ELOVL3: variants seen among roughly 807,000 people sequenced by gnomAD.
ELOVL3 encodes the protein ELOVL fatty acid elongase 3.
In ELOVL3, 11 loss-of-function variants were observed where a neutral mutation model predicts 14.9. That is an observed-to-expected ratio of 0.74 (90% CI 0.46 to 1.22). ELOVL3 has a LOEUF of 1.22. Ranked by LOEUF, ELOVL3 falls within the 50% of genes most tolerant of loss-of-function variation. The pLI is 0.00. For missense variants in ELOVL3, 277 were observed against 338.9 expected (o/e 0.82, Z 1.43); for synonymous variants, 117 against 124.7 (o/e 0.94, Z 0.41).
chr10:102,229,385 C>G lies in ELOVL3; in HGVS notation c.*133C>G, dbSNP rs1165708528. ...CCAGAGGATGTGTGCCCCAAGGTGG[C>G]TGGAATTTTTGACAGACAAGAAGGG... On this transcript the variant is annotated 3_prime_UTR_variant, in exon 4 of 4. Coordinates refer to ENST00000370005, the MANE Select transcript of ELOVL3 (RefSeq NM_152310.3). 12 of 881,806 alleles carry G rather than the reference C, an allele frequency of 1.4e-5. No individual in the cohort carries two copies. Among genetic ancestry groups the G allele is most frequent in the East Asian group, 5.3e-5 (2 of 37,550 alleles). The allele number at this position is 881,806 out of a possible 1,614,324, so 54.6% of individuals were successfully genotyped here.
chr10:102,229,265 A>G lies in ELOVL3; in HGVS notation c.*13A>G. 1 of 1,591,548 alleles carries G rather than the reference A, an allele frequency of 6.3e-7. No individual in the cohort carries two copies. The highest frequency in any genetic ancestry group is 1.1e-5 in the South Asian group (1 of 87,744). On this transcript the variant is annotated 3_prime_UTR_variant, in exon 4 of 4. Transcript: ENST00000370005. ...CAAGAGCCAGTGAAGGTTTGGAGAG[A>G]ACAATGAAGCTCCAGGCTCTCTCTT... is the stretch of plus-strand genomic sequence containing the variant.
At chr10:102,225,497 T>A (rs988730983), upstream of ELOVL3, among the ~76,000 whole-genome samples, 2 of 152,120 alleles carry the variant, frequency 1.3e-5, no homozygotes, top group Non-Finnish European at 2.9e-5. Context: ...AGGAAAGAAA[T>A]AAGGGACAGC....
At chr10:102,225,569 AAAG>A (rs1313237794), upstream of ELOVL3, among the ~76,000 whole-genome samples, 1 of 152,150 alleles carries the variant, frequency 6.6e-6, no homozygotes, top group African/African-American at 2.4e-5. Context: ...CACAGGCGAG[AAAG>A]AAGTAGATTT....
intron 1 of ELOVL3, among the ~76,000 whole-genome samples, chr10:102,227,220 C>T (rs1313066951): frequency 6.6e-6 from 1 of 152,044 alleles, no homozygotes; most frequent in Non-Finnish European, 1.5e-5. Context: ...TTGCCACATT[C>T]TTCTTACGCC....
chr10:102,224,864 G>C (rs965479421), upstream of ELOVL3, among the ~76,000 whole-genome samples: 17 of 151,658 alleles, frequency 1.1e-4, no homozygotes, highest in African/African-American at 3.9e-4. Context: ...GGGGTTTGAC[G>C]GTGTTAGCCA....
chr10:102,226,272 T>G, upstream of ELOVL3: 1 of 411,922 alleles, frequency 2.4e-6, no homozygotes, highest in Admixed American at 4.2e-5. Context: ...GAGGCGTATC[T>G]TGGTCGAGAT....
chr10:102,227,751 T>A lies in ELOVL3; in HGVS notation c.227T>A (p.Ile76Asn), dbSNP rs764487617. 1.2e-6 allele frequency: 2 copies of A among 1,613,744 alleles called. No individual in the cohort carries two copies. The highest frequency in any genetic ancestry group is 1.7e-6 in the Non-Finnish European group (2 of 1,179,852). ...ATCCTCTGGTCCTTCTGCCTTGCAATCTTCAGGTAAGACCCCATCCCACTC... is the reference window on the plus strand; with the variant it reads ...ATCCTCTGGTCCTTCTGCCTTGCAAACTTCAGGTAAGACCCCATCCCACTC... ...PLILWSFCLAIFSILGAVRMW... is the reference protein window; with the variant it reads ...PLILWSFCLANFSILGAVRMW... The change falls in exon 2 of 4, where the codon ATC (isoleucine) becomes AAC (asparagine). Residue 76 changes from isoleucine to asparagine, a missense_variant. Transcript: ENST00000370005.
intron 1 of ELOVL3, among the ~76,000 whole-genome samples, chr10:102,227,316 C>T (rs977591625): frequency 2.0e-5 from 3 of 152,124 alleles, no homozygotes; most frequent in Non-Finnish European, 4.4e-5. Flanking sequence ...TGCTTCTAGG[C>T]GCGGGCCAGA....
chr10:102,227,841 C>T, intron 2 of ELOVL3, 84 bp downstream of exon 2: 1 of 1,512,904 alleles, frequency 6.6e-7, no homozygotes, highest in South Asian at 1.2e-5. Flanking sequence ...TTGCATCAAC[C>T]TCCATCCTGT....
At position 102,228,810 on chromosome 10, in the gene ELOVL3, C is replaced by T. The variant is rs1318958553; in HGVS notation, c.386-15C>T. 6.3e-7 allele frequency: 1 copy of T among 1,596,406 alleles called. No individual in the cohort carries two copies. The highest frequency in any genetic ancestry group is 1.7e-5 in the Admixed American group (1 of 59,278). ...GCACTGGGTGGTATGCCAACTATGA[C>T]TCTCCATCTCCCAGGAGACACAGCC... On this transcript the variant is annotated splice_polypyrimidine_tract_variant and intron_variant, in intron 3 of 3. Coordinates refer to ENST00000370005, the MANE Select transcript of ELOVL3 (RefSeq NM_152310.3).
Position 102,228,496 on chromosome 10 carries a change from A to G in ELOVL3, c.313A>G (p.Ile105Val), listed in dbSNP as rs752278462. ...TGGLKQTVCF[I>V]NFIDNSTVKF... is the part of the protein sequence containing the mutation. The stretch of plus-strand genomic sequence containing the variant: ...GGGCCTAAAGCAAACCGTGTGCTTC[A>G]TCAACTTCATCGATAATTCCACAGT... Residue 105 changes from isoleucine to valine, a missense_variant, in exon 3 of 4, where the codon ATC (isoleucine) becomes GTC (valine). Physicochemically the swap from Ile to Val is conservative, Grantham distance 29. Coordinates refer to ENST00000370005, the MANE Select transcript of ELOVL3 (RefSeq NM_152310.3). 1 of 1,614,160 alleles carries G rather than the reference A, an allele frequency of 6.2e-7. No homozygotes were observed. Among genetic ancestry groups the G allele is most frequent in the South Asian group, 1.1e-5 (1 of 91,086 alleles).
upstream of ELOVL3, among the ~76,000 whole-genome samples, chr10:102,225,260 A>G (rs1428472997): frequency 6.6e-6 from 1 of 152,204 alleles, no homozygotes; most frequent in Non-Finnish European, 1.5e-5. Context: ...TGGCACTGAT[A>G]GGACTTCCAC....
Position 102,228,436 on chromosome 10 carries a change from A to G in ELOVL3, c.253A>G (p.Met85Val). 1 of 1,614,082 alleles carries G rather than the reference A, an allele frequency of 6.2e-7. No individual in the cohort carries two copies. The highest frequency in any genetic ancestry group is 8.5e-7 in the Non-Finnish European group (1 of 1,179,996). Residue 85 changes from methionine (M) to valine (V), a missense_variant, in exon 3 of 4, where the codon ATG becomes GTG. Transcript: ENST00000370005. ...AIFSILGAVR[M>V]WGIMGTVLLT... is the part of the protein sequence containing the mutation. ...TTTCAGTATCCTGGGGGCAGTGAGG[A>G]TGTGGGGCATTATGGGGACTGTGCT...
chr10:102,226,267 G>A (rs2070134011), upstream of ELOVL3: 1 of 401,182 alleles, frequency 2.5e-6, no homozygotes, highest in Non-Finnish European at 4.6e-6. Flanking sequence ...GAGCAGAGGC[G>A]TATCTTGGTC....
At chr10:102,227,519 T>A in intron 1 of ELOVL3, 107 bp from the exon 2 acceptor site, 1 of 1,271,872 alleles carries the variant, frequency 7.9e-7, no homozygotes, top group Non-Finnish European at 1.1e-6. Flanking sequence ...AGCTAGTAAG[T>A]GGCAGAACTG....
At chr10:102,226,813 C>T (rs538273767) in intron 1 of ELOVL3, among the ~76,000 whole-genome samples, 164 bp downstream of exon 1, 9 of 151,998 alleles carry the variant, frequency 5.9e-5, no homozygotes, top group Admixed American at 4.6e-4. Flanking sequence ...TATGTGGCAC[C>T]TCAAAGAGAT....
At position 102,228,949 on chromosome 10, in the gene ELOVL3, C is replaced by T. The variant is rs748274269; in HGVS notation, c.510C>T (p.Phe170=). ...YKNKVPAGGW[F]VTMNFGVHAI... ...ACAAAGTGCCTGCAGGAGGCTGGTT[C>T]GTCACCATGAACTTTGGTGTTCATG... is the stretch of plus-strand genomic sequence containing the variant. The change falls in exon 4 of 4, where the codon TTC becomes TTT. Residue 170 remains phenylalanine, a synonymous_variant. Coordinates refer to ENST00000370005, the MANE Select transcript of ELOVL3 (RefSeq NM_152310.3). 2.3e-5 allele frequency: 37 copies of T among 1,614,058 alleles called. No homozygotes were observed. The highest frequency in any genetic ancestry group is 5.0e-5 in the Admixed American group (3 of 60,008).
chr10:102,226,606 T>A lies in ELOVL3; in HGVS notation c.58T>A (p.Phe20Ile). 6.2e-7 allele frequency: 1 copy of A among 1,613,978 alleles called. No individual in the cohort carries two copies. Among genetic ancestry groups the A allele is most frequent in the Non-Finnish European group, 8.5e-7 (1 of 1,179,954 alleles). The stretch of plus-strand genomic sequence containing the variant: ...AAATCAGCTGTTCCAGCCCTATAAC[T>A]TCGAGCTGTCCAAGGACATGAGGCC... ...EVNQLFQPYN[F>I]ELSKDMRPFF... is the part of the protein sequence containing the mutation. Residue 20 changes from phenylalanine (F) to isoleucine (I), a missense_variant, in exon 1 of 4, where the codon TTC becomes ATC. By Grantham distance (21) the Phe-to-Ile change is conservative (BLOSUM62 0). Transcript: ENST00000370005.
Position 102,227,642 on chromosome 10 carries a change from A to G in ELOVL3, c.118A>G (p.Ile40Val), listed in dbSNP as rs2070148616. Residue 40 changes from isoleucine (I) to valine (V), a missense_variant, in exon 2 of 4, where the codon ATA (isoleucine) becomes GTA (valine). Coordinates refer to ENST00000370005, the MANE Select transcript of ELOVL3 (RefSeq NM_152310.3). ...FEEYWATSFP[I>V]ALIYLVLIAV... ...GCTTGCCAGGGCAACCTCATTCCCC[A>G]TAGCCCTGATCTACCTGGTTCTCAT... The G allele has an allele frequency of 1.2e-6, 2 of 1,613,176 alleles. No homozygotes were observed. The highest frequency in any genetic ancestry group is 1.7e-5 in the Admixed American group (1 of 59,918).
Sources: gnomAD v4.1 joint callset for allele counts (sites outside exome capture counted in the v4.1 genomes callset) on GRCh38, gnomAD v4.1.1 for gene constraint, MANE v1.5 for transcripts, NCBI Gene and HGNC (gene_info 2026-07-23, HGNC 2026-07-21) for gene names.